The following CIB1 variants were observed in gnomAD, a reference collection of about 807,000 sequenced individuals.
The protein encoded by CIB1 is calcium and integrin binding 1.
Under a neutral mutation model 25.0 loss-of-function variants are expected in CIB1, and 19 were observed. The observed-to-expected ratio is 0.76, with a 90% confidence interval of 0.53 to 1.12. CIB1 has a LOEUF of 1.12. Among genes scored for constraint, CIB1 ranks in the 50% most tolerant of loss-of-function variants. The pLI, the probability that CIB1 is intolerant of heterozygous loss-of-function variation, is 0.00. For synonymous variants in CIB1, 104 were observed against 98.5 expected (o/e 1.06, Z -0.33); for missense variants, 236 against 242.6 (o/e 0.97, Z 0.18).
chr15:90,255,734 T>C, the CIB1 span: 38 of 1,614,154 alleles, frequency 2.4e-5, no homozygotes, highest in Non-Finnish European at 3.1e-5. Context: ...TGGGGGCTCA[T>C]ACTAACTGGC....
chr15:90,249,580 G>C, the CIB1 span: 2 of 152,286 alleles, frequency 1.3e-5, no homozygotes, highest in African/African-American at 4.8e-5. Flanking sequence ...CCCGGCAGCC[G>C]CAGCCACGGC....
At chr15:90,246,787 C>CAAAAAAAAAAAAAAAAAAAAA in the CIB1 span, among the ~76,000 whole-genome samples, 1 of 45,202 alleles carries the variant, frequency 2.2e-5, no homozygotes, top group African/African-American at 7.6e-5. Flanking sequence ...GACTCTGTCT[C>CAAAAAAAAAAAAAAAAAAAAA]AAAAAAAAAA....
the CIB1 span, chr15:90,262,425 A>C: frequency 1.4e-6 from 2 of 1,413,286 alleles, no homozygotes; most frequent in Non-Finnish European, 9.2e-7. Flanking sequence ...CCTCATCCCC[A>C]TTTTTCCTCA....
upstream of CIB1, among the ~76,000 whole-genome samples, chr15:90,237,633 GT>G (rs1368774694): frequency 2.0e-5 from 3 of 151,912 alleles, no homozygotes; most frequent in African/African-American, 7.3e-5. Flanking sequence ...GATTAATGAC[GT>G]TAAACATCCC....
the CIB1 span, among the ~76,000 whole-genome samples, chr15:90,259,950 C>T: frequency 6.6e-6 from 1 of 152,212 alleles, no homozygotes; most frequent in South Asian, 2.1e-4. Context: ...TTCCCACTTA[C>T]ATTCCAATAT....
upstream of CIB1, among the ~76,000 whole-genome samples, chr15:90,234,884 A>G (rs1386156841): frequency 6.6e-6 from 1 of 152,226 alleles, no homozygotes; most frequent in Non-Finnish European, 1.5e-5. Flanking sequence ...AACGTATACT[A>G]TTGCAAAAGG....
the CIB1 span, chr15:90,256,339 G>C: frequency 6.2e-7 from 1 of 1,612,200 alleles, no homozygotes; most frequent in Non-Finnish European, 8.5e-7. Flanking sequence ...CTAGTCCCCA[G>C]CACTGGGCTG....
the CIB1 span, among the ~76,000 whole-genome samples, chr15:90,264,238 C>A: frequency 7.4e-3 from 1,130 of 152,256 alleles, 21 homozygotes; most frequent in African/African-American, 0.026. Context: ...GTCGCCAAGG[C>A]TGAAGTACAA....
chr15:90,256,007 C>T, the CIB1 span: 1 of 1,563,122 alleles, frequency 6.4e-7, no homozygotes, highest in South Asian at 1.2e-5. Context: ...AAAGTTTCAG[C>T]TGGTCAAAGA....
intron 2 of CIB1, 102 bp from the exon 3 acceptor site, chr15:90,232,429 T>G: frequency 6.9e-7 from 1 of 1,448,926 alleles, no homozygotes; most frequent in South Asian, 1.5e-5. Context: ...GGTGAGGAGC[T>G]AAAACCACGT....
Position 90,230,491 on chromosome 15 carries a change from A to G in CIB1, c.569T>C (p.Val190Ala), listed in dbSNP as rs1567068002. The change falls in exon 7 of 7, where the codon GTC becomes GCC. Residue 190 changes from valine (V) to alanine (A), a missense_variant. Physicochemically the swap from Val to Ala is moderately conservative, Grantham distance 64. Coordinates refer to ENST00000328649, the MANE Select transcript of CIB1 (RefSeq NM_006384.4). ...SPDFASSFKI[V>A]L The stretch of plus-strand genomic sequence containing the variant: ...CACACGCTGGGGCTGCTGTCACAGG[A>G]CAATCTTAAAGGAGCTGAACAAGAG... The G allele has an allele frequency of 1.3e-6, 2 of 1,551,680 alleles. No individual in the cohort carries two copies. Among genetic ancestry groups the G allele is most frequent in the East Asian group, 4.9e-5 (2 of 40,922 alleles).
At chr15:90,237,386 A>G (rs56030423), upstream of CIB1, among the ~76,000 whole-genome samples, 8,208 of 144,578 alleles carry the variant, frequency 0.057, 297 homozygotes, top group Non-Finnish European at 0.079. Flanking sequence ...GGTTCAAGTG[A>G]TTCTCCTGCC....
chr15:90,246,787 CAAAAAAAAAAAAAAAAAAAAAAAAAAAA>C, the CIB1 span, among the ~76,000 whole-genome samples: 3 of 45,198 alleles, frequency 6.6e-5, no homozygotes, highest in Non-Finnish European at 8.4e-5. Flanking sequence ...GACTCTGTCT[CAAAAAAAAAAAAAAAAAAAAAAAAAAAA>C]AAAAAAAAAA....
the CIB1 span, chr15:90,251,034 G>A: frequency 9.1e-7 from 1 of 1,099,092 alleles, no homozygotes; most frequent in South Asian, 1.6e-5. Context: ...TTAACCCTTT[G>A]ATACAACAGA....
At chr15:90,242,282 G>T in the CIB1 span, 16 of 272,276 alleles carry the variant, frequency 5.9e-5, no homozygotes, top group East Asian at 6.5e-4. Context: ...TTTTTTTAAC[G>T]ATTAGGTGAT....
Position 90,231,603 on chromosome 15 carries a change from G to A in CIB1, c.196-96C>T, listed in dbSNP as rs555211318. 13 of 1,427,666 alleles carry A rather than the reference G, an allele frequency of 9.1e-6. No individual in the cohort carries two copies. In the South Asian group the frequency reaches 9.3e-5, roughly 10 times the overall value. 88.4% of individuals were successfully genotyped at this position (1,427,666 alleles called of 1,614,324 possible). A position where few individuals can be genotyped will look rare whatever the true frequency, so the allele number is the denominator to read the frequency against. The stretch of plus-strand genomic sequence containing the variant: ...AGCAGGTCACAGGACCAGCACCAGC[G>A]AGCTCAGCCTCGTGGGGGTGAACAG... On this transcript the variant is annotated intron_variant, in intron 3 of 6. Transcript: ENST00000328649.
At chr15:90,258,745 A>C in the CIB1 span, 1 of 1,614,088 alleles carries the variant, frequency 6.2e-7, no homozygotes, top group Non-Finnish European at 8.5e-7. Context: ...CCTGGCAGGT[A>C]AACCACTCTC....
chr15:90,256,563 T>G, the CIB1 span, among the ~76,000 whole-genome samples: 1 of 40,550 alleles, frequency 2.5e-5, no homozygotes, highest in South Asian at 9.8e-4. Flanking sequence ...CTTTCTTTCT[T>G]TCTTTCTTTC....
chr15:90,248,049 G>GTT, the CIB1 span, among the ~76,000 whole-genome samples: 2 of 151,624 alleles, frequency 1.3e-5, no homozygotes, highest in East Asian at 3.9e-4. Flanking sequence ...CCAGATATTT[G>GTT]TTTTTTTAAA....
Sources: gnomAD v4.1 joint callset for allele counts (sites outside exome capture counted in the v4.1 genomes callset) on GRCh38, gnomAD v4.1.1 for gene constraint, MANE v1.5 for transcripts, NCBI Gene and HGNC (gene_info 2026-07-23, HGNC 2026-07-21) for gene names.